Variants in BCAS1 observed in about 807,000 individuals in gnomAD.
The protein encoded by BCAS1 is breast carcinoma-amplified sequence 1.
A neutral mutation model predicts 65.4 loss-of-function variants in BCAS1; 46 were observed. The observed-to-expected ratio is 0.70, with a 90% CI of 0.55 to 0.90. The LOEUF (loss-of-function observed/expected upper bound fraction) is 0.90, where lower values mean the gene tolerates loss of function less well. BCAS1 is among the 40% of genes least tolerant of loss of function. The probability of loss-of-function intolerance (pLI) is 0.00; values close to 1 mark genes in which losing one functional copy is unlikely to be tolerated. For synonymous variants in BCAS1, 298 were observed against 293.5 expected, an observed-to-expected ratio of 1.02 and a Z score of -0.16; for missense variants, 793 against 771.2, an observed-to-expected ratio of 1.03 and a Z score of -0.33.
chr20:54,058,426 G>A (rs1003217686), intron 2 of BCAS1, among the ~76,000 whole-genome samples: 2 of 151,976 alleles, frequency 1.3e-5, no homozygotes, highest in African/African-American at 4.8e-5. Context: ...CGCACGGAGG[G>A]GACCCCAGGC....
At chr20:53,974,734 C>T (rs1028854770) in intron 9 of BCAS1, among the ~76,000 whole-genome samples, 5 of 152,142 alleles carry the variant, frequency 3.3e-5, no homozygotes, top group Non-Finnish European at 7.4e-5. Flanking sequence ...CTGAAACTCA[C>T]GAGGTCAATT....
At chr20:54,048,470 T>A (rs2092150616) in intron 3 of BCAS1, among the ~76,000 whole-genome samples, 1 of 152,078 alleles carries the variant, frequency 6.6e-6, no homozygotes, top group South Asian at 2.1e-4. Context: ...GGCAGAGGCT[T>A]CAGGGAAGGA....
rs149618211 is a variant in BCAS1, at chr20:53,971,061, G to A, written c.1318-3988C>T. 7.3e-3 allele frequency among the ~76,000 whole-genome samples: 1,105 copies of A among 152,260 alleles called. 10 individuals carry two copies. The highest frequency in any genetic ancestry group is 0.041 in the South Asian group (200 of 4,824). ...AAAAAGGTCTAAACCAATCAACATG[G>A]TCAAGCTCCTTGACTGTGGTTGGTT... On this transcript the variant is annotated intron_variant, in intron 9 of 12. Coordinates refer to ENST00000688948, the MANE Select transcript of BCAS1 (RefSeq NM_001366298.2).
At chr20:53,949,018 C>T (rs987704852) in intron 12 of BCAS1, among the ~76,000 whole-genome samples, 1 of 152,190 alleles carries the variant, frequency 6.6e-6, no homozygotes, top group South Asian at 2.1e-4. Flanking sequence ...ACCTGCTAAA[C>T]CTGCCTGCAG....
chr20:53,975,502 G>A, intron 8 of BCAS1, 72 bp from the exon 9 acceptor site: 1 of 1,286,092 alleles, frequency 7.8e-7, no homozygotes, highest in Non-Finnish European at 1.1e-6. Flanking sequence ...AAAAGCAAAG[G>A]GTTAGTTGGG....
At chr20:53,978,990 T>C (rs749887821) in intron 8 of BCAS1, among the ~76,000 whole-genome samples, 2 of 152,166 alleles carry the variant, frequency 1.3e-5, no homozygotes, top group Non-Finnish European at 2.9e-5. Flanking sequence ...AAATAAGGCC[T>C]GTGTAGGGAA....
At chr20:54,016,742 C>T (rs990170597) in intron 4 of BCAS1, among the ~76,000 whole-genome samples, 1 of 152,230 alleles carries the variant, frequency 6.6e-6, no homozygotes, top group Non-Finnish European at 1.5e-5. Flanking sequence ...TGTCCTCTGG[C>T]ATCTTTTCTG....
intron 10 of BCAS1, among the ~76,000 whole-genome samples, chr20:53,965,495 A>G (rs1296779971): frequency 6.6e-6 from 1 of 152,168 alleles, no homozygotes; most frequent in Non-Finnish European, 1.5e-5. Context: ...GTTTTGTTGC[A>G]TTATATTATT....
chr20:53,953,375 A>C, intron 12 of BCAS1, 57 bp downstream of exon 12: 3 of 1,597,928 alleles, frequency 1.9e-6, no homozygotes, highest in Non-Finnish European at 2.6e-6. Context: ...TGACTGGGGC[A>C]GATGGTGTTG....
chr20:53,975,542 C>T (rs2090309862), intron 8 of BCAS1, 112 bp from the exon 9 acceptor site: 3 of 658,336 alleles, frequency 4.6e-6, no homozygotes. Flanking sequence ...TTCGGGGACA[C>T]TGAATTGCCT....
intron 4 of BCAS1, among the ~76,000 whole-genome samples, chr20:54,018,088 G>A (rs1428797744): frequency 6.6e-6 from 1 of 152,116 alleles, no homozygotes; most frequent in African/African-American, 2.4e-5. Flanking sequence ...CCCGTGCAAA[G>A]AAAGAAAGAA....
At chr20:53,995,489 GTT>G (rs11480980) in intron 5 of BCAS1, among the ~76,000 whole-genome samples, 1 of 145,728 alleles carries the variant, frequency 6.9e-6, no homozygotes. Flanking sequence ...ATTCATTCAG[GTT>G]TTTTTTTTTT....
chr20:53,963,412 C>G (rs925432047), intron 10 of BCAS1, among the ~76,000 whole-genome samples: 4 of 151,566 alleles, frequency 2.6e-5, no homozygotes, highest in Admixed American at 6.6e-5. Flanking sequence ...ACTCGGGAGG[C>G]AGAGGTTGCA....
chr20:53,994,306 C>T (rs898231794), intron 6 of BCAS1, among the ~76,000 whole-genome samples: 14 of 152,190 alleles, frequency 9.2e-5, no homozygotes, highest in African/African-American at 3.1e-4. Context: ...CTAGAGGTAA[C>T]GAGCCTTGTC....
intron 4 of BCAS1, among the ~76,000 whole-genome samples, chr20:54,001,047 T>G (rs568159886): frequency 6.6e-6 from 1 of 152,326 alleles, no homozygotes; most frequent in South Asian, 2.1e-4. Flanking sequence ...GAATCTTACC[T>G]GTTTGGGTGG....
chr20:54,068,242 G>A (rs547726789), intron 1 of BCAS1, among the ~76,000 whole-genome samples: 10 of 152,230 alleles, frequency 6.6e-5, no homozygotes, highest in East Asian at 1.9e-4. Flanking sequence ...TTTTGCTTTC[G>A]GAGTACTTAA....
intron 6 of BCAS1, 24 bp downstream of exon 6, chr20:53,994,988 A>G (rs1173117405): frequency 8.1e-6 from 13 of 1,607,180 alleles, no homozygotes; most frequent in Non-Finnish European, 1.0e-5. Flanking sequence ...CCAAATATAT[A>G]CATACACACT....
chr20:54,065,101 GTATC>G (rs1217114021), intron 1 of BCAS1, among the ~76,000 whole-genome samples: 5 of 146,032 alleles, frequency 3.4e-5, no homozygotes, highest in Middle Eastern at 3.2e-3. Flanking sequence ...TTTATGATGA[GTATC>G]TATCTATCAT....
intron 4 of BCAS1, among the ~76,000 whole-genome samples, chr20:54,017,733 G>T (rs1262126858): frequency 1.3e-5 from 2 of 152,072 alleles, no homozygotes; most frequent in African/African-American, 4.8e-5. Flanking sequence ...ACTGCTGCAG[G>T]CAGAGTGAGT....
Sources: allele counts gnomAD v4.1 joint callset (sites outside exome capture counted in the v4.1 genomes callset), GRCh38; gene constraint gnomAD v4.1.1; transcripts MANE v1.5; gene names NCBI Gene and HGNC (gene_info 2026-07-23, HGNC 2026-07-21).